MYRFL: variants seen among roughly 807,000 people sequenced by gnomAD.
The protein encoded by MYRFL is myelin regulatory factor like, also known as myelin regulatory factor-like protein.
In MYRFL, 88 loss-of-function variants were observed where a neutral mutation model predicts 109.4. The observed-to-expected ratio is 0.80, with a 90% CI of 0.68 to 0.96. MYRFL has a LOEUF of 0.96. Ranked by LOEUF, MYRFL falls within the 40% of genes least tolerant of loss-of-function variation. The pLI, the probability that MYRFL is intolerant of heterozygous loss-of-function variation, is 0.00. For synonymous variants in MYRFL, 324 were observed against 320.9 expected (o/e 1.01, Z -0.10); for missense variants, 957 against 954.9 (o/e 1.00, Z -0.03).
At chr12:69,893,880 T>A (rs1348654368) in intron 8 of MYRFL, 40 bp downstream of exon 8, 2 of 952,188 alleles carry the variant, frequency 2.1e-6, no homozygotes, top group African/African-American at 3.4e-5. Context: ...GAATGTTTTG[T>A]GAATAAACAC....
chr12:69,932,206 G>T (rs778437612), intron 15 of MYRFL, among the ~76,000 whole-genome samples: 3 of 152,150 alleles, frequency 2.0e-5, no homozygotes, highest in African/African-American at 7.2e-5. Context: ...TCAGGTCCCC[G>T]TTTCTCATAA....
In MYRFL at chr12:69,927,675, T is replaced by C. The variant is rs548794209; in HGVS notation, c.1767-10T>C. 7.2e-6 allele frequency: 11 copies of C among 1,529,602 alleles called. No individual in the cohort carries two copies. The highest frequency in any genetic ancestry group is 2.4e-5 in the South Asian group (2 of 82,386). The allele number at this position is 1,529,602 out of a possible 1,614,324, so 94.8% of individuals were successfully genotyped here. A position where few individuals can be genotyped will look rare whatever the true frequency, so the allele number is the denominator to read the frequency against. On this transcript the variant is annotated splice_polypyrimidine_tract_variant and intron_variant, in intron 14 of 24. Transcript: ENST00000552032. ...TTTGAATAGTAACCAATTTTCTCTC[T>C]CTTTTAAAGCAAATCTAGCAGAGCC...
chr12:69,938,206 C>G (rs1955529098), intron 19 of MYRFL, among the ~76,000 whole-genome samples: 1 of 152,164 alleles, frequency 6.6e-6, no homozygotes, highest in South Asian at 2.1e-4. Flanking sequence ...ACAGAAATCC[C>G]CAAGGCTTTT....
chr12:69,895,772 T>C (rs2136341605), intron 9 of MYRFL, among the ~76,000 whole-genome samples: 1 of 152,322 alleles, frequency 6.6e-6, no homozygotes, highest in Non-Finnish European at 1.5e-5. Flanking sequence ...TTATATCTCA[T>C]TGCCATCCAC....
rs148199747 is a variant in MYRFL at position 69,931,783 on chromosome 12, T to G, written c.1831-730T>G. On this transcript the variant is annotated intron_variant, in intron 15 of 24. Coordinates refer to ENST00000552032, the MANE Select transcript of MYRFL (RefSeq NM_182530.3). ...CCAGATTCCCCAGCAGTTCCACAGCTGTTATTCTGCAGCTCTTGGCCTGTT... is the reference window on the plus strand; with the variant it reads ...CCAGATTCCCCAGCAGTTCCACAGCGGTTATTCTGCAGCTCTTGGCCTGTT... 3.2e-3 allele frequency among the ~76,000 whole-genome samples: 480 copies of G among 152,350 alleles called. 1 individual carries two copies. The highest frequency in any genetic ancestry group is 0.011 in the African/African-American group (464 of 41,582).
At chr12:69,927,646 G>A (rs1955137825) in intron 14 of MYRFL, 39 bp from the exon 15 acceptor site, 3 of 1,446,628 alleles carry the variant, frequency 2.1e-6, no homozygotes, top group East Asian at 5.0e-5. Flanking sequence ...CTCCTGGAGA[G>A]GTATTTGAAT....
At chr12:69,830,134 C>T (rs947740796) in intron 1 of MYRFL, among the ~76,000 whole-genome samples, 12 of 152,024 alleles carry the variant, frequency 7.9e-5, no homozygotes, top group African/African-American at 2.7e-4. Context: ...TTTCATAGAA[C>T]ATTGAAACTG....
At chr12:69,919,682 A>T (rs1466147558) in intron 13 of MYRFL, among the ~76,000 whole-genome samples, 1 of 152,218 alleles carries the variant, frequency 6.6e-6, no homozygotes, top group Non-Finnish European at 1.5e-5. Context: ...AGCTGAGTTT[A>T]TTCAAAGCCC....
At chr12:69,931,065 TA>T (rs1955257365) in intron 15 of MYRFL, among the ~76,000 whole-genome samples, 1 of 152,182 alleles carries the variant, frequency 6.6e-6, no homozygotes, top group African/African-American at 2.4e-5. Flanking sequence ...ATTTTACTGA[TA>T]AAGAAAATGA....
intron 1 of MYRFL, among the ~76,000 whole-genome samples, chr12:69,835,208 A>G (rs1007287380): frequency 2.0e-5 from 3 of 152,228 alleles, no homozygotes; most frequent in African/African-American, 7.2e-5. Context: ...GAAAAATGCT[A>G]TCTGCTGACC....
At chr12:69,851,975 T>C (rs536771850) in intron 1 of MYRFL, among the ~76,000 whole-genome samples, 1 of 152,318 alleles carries the variant, frequency 6.6e-6, no homozygotes, top group South Asian at 2.1e-4. Flanking sequence ...ATCAGAAATA[T>C]TTAGACTATC....
intron 1 of MYRFL, among the ~76,000 whole-genome samples, chr12:69,841,968 T>C (rs890082572): frequency 4.6e-5 from 7 of 152,118 alleles, no homozygotes; most frequent in African/African-American, 1.7e-4. Flanking sequence ...ATTTTGAAAA[T>C]GAGGAAAGTA....
chr12:69,904,678 A>T (rs911736446), intron 11 of MYRFL, among the ~76,000 whole-genome samples: 5 of 152,208 alleles, frequency 3.3e-5, no homozygotes, highest in African/African-American at 1.2e-4. Flanking sequence ...CCAATCCATC[A>T]GCCAGCTACT....
chr12:69,878,984 G>A, intron 2 of MYRFL, 44 bp from the exon 3 acceptor site: 1 of 702,758 alleles, frequency 1.4e-6, no homozygotes, highest in Non-Finnish European at 2.6e-6. Context: ...AACTATAATG[G>A]ACTAGAGTGA....
At chr12:69,829,418 G>A (rs767708070) in intron 1 of MYRFL, among the ~76,000 whole-genome samples, 12 of 152,104 alleles carry the variant, frequency 7.9e-5, no homozygotes, top group Admixed American at 6.6e-4. Flanking sequence ...GAGCAGACAA[G>A]CAGTGACTGA....
intron 19 of MYRFL, among the ~76,000 whole-genome samples, chr12:69,947,532 G>C (rs1187612991): frequency 6.6e-6 from 1 of 152,152 alleles, no homozygotes; most frequent in Non-Finnish European, 1.5e-5. Flanking sequence ...CCATCTGAAT[G>C]TGATGAATTA....
intron 19 of MYRFL, among the ~76,000 whole-genome samples, chr12:69,938,835 C>T (rs988835826): frequency 1.1e-4 from 16 of 152,190 alleles, no homozygotes; most frequent in East Asian, 1.9e-4. Flanking sequence ...AGTGGGTGCG[C>T]GCACCGTGCG....
chr12:69,892,204 C>T (rs1886957569), intron 7 of MYRFL, among the ~76,000 whole-genome samples: 1 of 152,136 alleles, frequency 6.6e-6, no homozygotes. Flanking sequence ...CTAATTTAGT[C>T]AACGCCCTCC....
intron 13 of MYRFL, among the ~76,000 whole-genome samples, chr12:69,914,658 T>C (rs566836657): frequency 6.6e-6 from 1 of 152,320 alleles, no homozygotes; most frequent in East Asian, 1.9e-4. Flanking sequence ...CCATCCTCCT[T>C]CTTCCAGGAG....
Sources: gnomAD v4.1 joint callset for allele counts (sites outside exome capture counted in the v4.1 genomes callset) on GRCh38, gnomAD v4.1.1 for gene constraint, MANE v1.5 for transcripts, NCBI Gene and HGNC (gene_info 2026-07-23, HGNC 2026-07-21) for gene names.